Variants in TRRAP observed in about 807,000 individuals in gnomAD.
TRRAP encodes transformation/transcription domain-associated protein.
Under a neutral mutation model 438.8 loss-of-function variants are expected in TRRAP, and 41 were observed. The ratio of observed to expected loss-of-function variants is 0.09; its 90% CI spans 0.07 to 0.12. The LOEUF is 0.12. Among genes scored for constraint, TRRAP ranks in the 10% least tolerant of loss-of-function variants. The pLI, the probability that TRRAP is intolerant of heterozygous loss-of-function variation, is 1.00. For missense variants in TRRAP, 3,122 were observed against 5,055.1 expected (o/e 0.62, Z 11.60); for synonymous variants, 1,994 against 1,962.9 (o/e 1.02, Z -0.42).
chr7:98,897,159 C>T (rs985687024), intron 7 of TRRAP, among the ~76,000 whole-genome samples: 3 of 152,072 alleles, frequency 2.0e-5, no homozygotes, highest in Non-Finnish European at 4.4e-5. Context: ...CACTTGAACC[C>T]GGGAGGTGGA....
rs371365567 is a variant in TRRAP at position 98,903,414 on chromosome 7, A to G, written c.933A>G (p.Lys311=). The change falls in exon 12 of 73, where the codon AAA becomes AAG. Residue 311 remains lysine (K), a synonymous_variant. Coordinates refer to ENST00000456197, the MANE Select transcript of TRRAP (RefSeq NM_001375524.1). The part of the protein sequence containing the change: ...LVTKYSQQMV[K]GMLQLLSNCP... The stretch of plus-strand genomic sequence containing the variant: ...CTAAGTATTCTCAGCAGATGGTGAA[A>G]GGAATGCTCCAGTTACTTTCAAATT... The G allele has an allele frequency of 8.1e-6, 13 of 1,614,236 alleles. No homozygotes were observed. In the African/African-American group the frequency reaches 1.7e-4, roughly 22 times the overall value.
At chr7:98,931,868 T>C (rs938388574) in intron 26 of TRRAP, among the ~76,000 whole-genome samples, 2 of 152,214 alleles carry the variant, frequency 1.3e-5, no homozygotes, top group African/African-American at 4.8e-5. Flanking sequence ...ATATAACTTA[T>C]GCACATATTC....
chr7:98,948,345 G>T lies in TRRAP; in HGVS notation c.4668+5G>T, dbSNP rs782229940. On this transcript the variant is annotated splice_donor_5th_base_variant and intron_variant, in intron 34 of 72. Transcript: ENST00000456197. This position sits in a 1 kb window ranked among gnomAD's most constrained non-coding sequence, Gnocchi z 4.9. ...GAGCGGGCGATGCTGATCGAGGTAA[G>T]GGCCATACTGAAGGCTGCTTCTCGC... The T allele has an allele frequency of 6.2e-7, 1 of 1,614,146 alleles. No homozygotes were observed. The highest frequency in any genetic ancestry group is 8.5e-7 in the Non-Finnish European group (1 of 1,180,028).
Position 98,976,167 on chromosome 7 carries a change from G to T in TRRAP, c.7858G>T (p.Ala2620Ser). 1 of 1,613,970 alleles carries T rather than the reference G, an allele frequency of 6.2e-7. No homozygotes were observed. The highest frequency in any genetic ancestry group is 8.5e-7 in the Non-Finnish European group (1 of 1,179,922). Residue 2620 changes from alanine (A) to serine (S), a missense_variant, in exon 54 of 73, where the codon GCT becomes TCT. Ala to Ser is a moderately conservative substitution (Grantham distance 99). Around this residue, in one of 24 missense-constraint regions of TRRAP, gnomAD observed 992 missense variants for 1,281.2 expected, o/e 0.77. Coordinates refer to ENST00000456197, the MANE Select transcript of TRRAP (RefSeq NM_001375524.1). This position sits in a 1 kb window ranked among gnomAD's most constrained non-coding sequence, Gnocchi z 4.6. ...REVKTGALLS[A>S]FVQLCHISTT... ...TTCATAGACTGGAGCGCTGCTCAGC[G>T]CTTTCGTTCAGCTGTGCCACATTTC...
chr7:98,966,756 T>A (rs1562963783), intron 49 of TRRAP, among the ~76,000 whole-genome samples: 2 of 152,208 alleles, frequency 1.3e-5, no homozygotes, highest in African/African-American at 2.4e-5. Flanking sequence ...CAAATAATAC[T>A]TAAAGTAAAA....
chr7:98,953,087 G>A lies in TRRAP; in HGVS notation c.5464-80G>A, dbSNP rs374912350. On this transcript the variant is annotated intron_variant, in intron 39 of 72. Transcript: ENST00000456197. ...TGTGTGTGTGTGTGTGTGTTTTTAA[G>A]GCTTAAACCTGTCGTATGACCCTCA... The A allele has an allele frequency of 3.6e-6, 4 of 1,109,494 alleles. No individual in the cohort carries two copies. The African/African-American group carries it at 6.5e-5, about 18-fold the overall frequency. 68.7% of individuals were successfully genotyped at this position (1,109,494 alleles called of 1,614,324 possible).
At chr7:98,933,954 G>T (rs1554413622) in intron 27 of TRRAP, among the ~76,000 whole-genome samples, 1 of 152,178 alleles carries the variant, frequency 6.6e-6, no homozygotes. Flanking sequence ...ATTTAAGCCA[G>T]GACTGTTATT....
At chr7:98,936,145 A>ATC (rs1790545098) in intron 28 of TRRAP, among the ~76,000 whole-genome samples, 1 of 152,250 alleles carries the variant, frequency 6.6e-6, no homozygotes, top group Admixed American at 6.5e-5. Context: ...ATTGGCTGAG[A>ATC]TAGAAACAAT....
chr7:98,936,585 G>C (rs1436553456), intron 28 of TRRAP, among the ~76,000 whole-genome samples: 1 of 152,166 alleles, frequency 6.6e-6, no homozygotes, highest in Non-Finnish European at 1.5e-5. Flanking sequence ...AGTGAAGAAA[G>C]GCTGGGCTGT....
chr7:98,981,711 C>T, intron 58 of TRRAP, 58 bp from the exon 59 acceptor site: 1 of 1,525,708 alleles, frequency 6.6e-7, no homozygotes. Flanking sequence ...CTGTTTGACA[C>T]TTTACACTGA....
chr7:98,966,441 T>G (rs1313968960), intron 49 of TRRAP, among the ~76,000 whole-genome samples: 1 of 151,980 alleles, frequency 6.6e-6, no homozygotes, highest in Non-Finnish European at 1.5e-5. Context: ...TCCCAGCACT[T>G]TGGGAGACCG....
intron 57 of TRRAP, 24 bp downstream of exon 57, chr7:98,978,347 G>T: frequency 1.3e-6 from 2 of 1,583,292 alleles, no homozygotes; most frequent in Non-Finnish European, 1.7e-6. Flanking sequence ...AGTGCTTGAC[G>T]TGTGCATGAA....
intron 3 of TRRAP, among the ~76,000 whole-genome samples, chr7:98,889,255 ATC>A (rs1330521146): frequency 6.6e-6 from 1 of 151,898 alleles, no homozygotes; most frequent in Non-Finnish European, 1.5e-5. Context: ...GATAATACCC[ATC>A]TCAGACTAAA....
rs1383650611 is a variant in TRRAP, at chr7:98,908,593, T to C, written c.1116-135T>C. ...CTGTCATGTATCTGGGAGAGAGTAA[T>C]GTGGTGAAAATGGGCCATGTAAGTG... On this transcript the variant is annotated intron_variant, in intron 13 of 72. Transcript: ENST00000456197. The surrounding 1 kb of genome is among the most constrained non-coding windows in gnomAD (Gnocchi z 4.1). 7 of 682,318 alleles carry C rather than the reference T, an allele frequency of 1.0e-5. No individual in the cohort carries two copies. The highest frequency in any genetic ancestry group is 9.2e-5 in the Admixed American group (4 of 43,280). 42.3% of individuals were successfully genotyped at this position (682,318 alleles called of 1,614,324 possible).
At position 98,930,698 on chromosome 7, in the gene TRRAP, G is replaced by A. The variant is rs782525111; in HGVS notation, c.3459G>A (p.Ala1153=). The A allele has an allele frequency of 4.0e-5, 64 of 1,614,242 alleles. No homozygotes were observed. Among genetic ancestry groups the A allele is most frequent in the South Asian group, 1.9e-4 (17 of 91,088 alleles). Reference sequence around the variant, plus strand: ...TGTGTGCATGTTGTTATGAACAGGCGTGGTATGCAAAGCTGGGGGGTGTGG... The same window carrying A: ...TGTGTGCATGTTGTTATGAACAGGCATGGTATGCAAAGCTGGGGGGTGTGG... ...ERLCACCYEQ[A]WYAKLGGVVS... is the part of the protein sequence containing the mutation. Residue 1153 remains alanine (A), a synonymous_variant, in exon 25 of 73, where the codon GCG becomes GCA. Transcript: ENST00000456197.
chr7:98,978,880 T>A lies in TRRAP; in HGVS notation c.8610T>A (p.Thr2870=). 1 of 1,614,148 alleles carries A rather than the reference T, an allele frequency of 6.2e-7. No homozygotes were observed. Among genetic ancestry groups the A allele is most frequent in the South Asian group, 1.1e-5 (1 of 91,092 alleles). ...GCGCCTGGCGGGTGTCCAACTGGAC[T>A]GCCATGAAGGAGGCGCTGGTGCAGG... is the stretch of plus-strand genomic sequence containing the variant. ...LECAWRVSNW[T]AMKEALVQVE... is the part of the protein sequence containing the mutation. The change falls in exon 58 of 73, where the codon ACT becomes ACA. Residue 2870 remains threonine (T), a synonymous_variant. Transcript: ENST00000456197.
chr7:98,910,006 G>A (rs1263803087), intron 14 of TRRAP, 50 bp from the exon 15 acceptor site: 1 of 1,523,740 alleles, frequency 6.6e-7, no homozygotes, highest in Admixed American at 2.1e-5. Context: ...TATTTGGCCT[G>A]TTGAAGAAGA....
chr7:98,935,536 C>T (rs782327413), intron 27 of TRRAP, 43 bp from the exon 28 acceptor site: 2 of 1,556,372 alleles, frequency 1.3e-6, no homozygotes, highest in Non-Finnish European at 1.8e-6. Flanking sequence ...ATTATGTCTT[C>T]ACAGGAAGAG....
chr7:99,008,636 GGT>G (rs1036384819), intron 70 of TRRAP, 75 bp downstream of exon 70: 164 of 1,516,694 alleles, frequency 1.1e-4, no homozygotes, highest in Non-Finnish European at 1.4e-4. Flanking sequence ...TGGAGACAGG[GGT>G]GTTTAGGAGA....
Sources: allele counts gnomAD v4.1 joint callset (sites outside exome capture counted in the v4.1 genomes callset), GRCh38; gene constraint gnomAD v4.1.1; regional missense constraint gnomAD v4.1.1; non-coding constraint Gnocchi (gnomAD v3.1); transcripts MANE v1.5; gene names NCBI Gene and HGNC (gene_info 2026-07-23, HGNC 2026-07-21).